The following DMD variants were observed in gnomAD, a reference collection of about 807,000 sequenced individuals.
DMD encodes mutant dystrophin.
Under a neutral mutation model 330.1 loss-of-function variants are expected in DMD, and 63 were observed. The observed-to-expected ratio is 0.19, with a 90% CI of 0.16 to 0.24. The LOEUF (loss-of-function observed/expected upper bound fraction) is 0.24, where lower values mean the gene tolerates loss of function less well. Ranked by LOEUF, DMD falls within the 10% of genes least tolerant of loss-of-function variation. The pLI, the probability that DMD is intolerant of heterozygous loss-of-function variation, is 1.00. For missense variants in DMD, 3,344 were observed against 2,684.1 expected (o/e 1.25, Z -5.43); for synonymous variants, 1,223 against 959.8 (o/e 1.27, Z -5.07).
intron 7 of DMD, among the ~76,000 whole-genome samples, chrX:32,714,591 T>A (rs550674455): frequency 6.2e-4 from 69 of 111,722 alleles, no homozygotes; most frequent in African/African-American, 2.1e-3. Flanking sequence ...ACGATTTTGC[T>A]ATTACGCATA....
At chrX:32,290,551 A>G (rs1329384740) in intron 42 of DMD, among the ~76,000 whole-genome samples, 1 of 112,272 alleles carries the variant, frequency 8.9e-6, no homozygotes, top group East Asian at 2.8e-4. Flanking sequence ...GTTATACGGG[A>G]AGAAAGAAAA....
At chrX:31,172,480 G>T in intron 72 of DMD, 67 bp from the exon 73 acceptor site, 1 of 786,724 alleles carries the variant, frequency 1.3e-6, no homozygotes, top group South Asian at 2.2e-5. Flanking sequence ...AGACCTAATC[G>T]AACATTCCTG....
At chrX:32,448,080 AC>A (rs368550261) in intron 27 of DMD, among the ~76,000 whole-genome samples, 54 of 111,182 alleles carry the variant, frequency 4.9e-4, no homozygotes, top group African/African-American at 1.5e-3. Context: ...TTATGTACAT[AC>A]AAAAATAAGA....
At chrX:32,734,436 C>A (rs1451380759) in intron 7 of DMD, among the ~76,000 whole-genome samples, 40 of 105,503 alleles carry the variant, frequency 3.8e-4, no homozygotes, top group African/African-American at 1.5e-3. Context: ...CATCCTGATA[C>A]GAAAGCCTGG....
intron 44 of DMD, among the ~76,000 whole-genome samples, chrX:32,123,907 A>G (rs1189615451): frequency 1.8e-5 from 2 of 112,294 alleles, no homozygotes; most frequent in African/African-American, 6.5e-5. Flanking sequence ...TGAATTTTTT[A>G]TTTTATTTTC....
At chrX:32,122,340 T>C (rs1242173813) in intron 44 of DMD, among the ~76,000 whole-genome samples, 1 of 111,775 alleles carries the variant, frequency 8.9e-6, no homozygotes, top group Non-Finnish European at 1.9e-5. Context: ...CCTAGCAATC[T>C]GTGGTATAGC....
intron 1 of DMD, among the ~76,000 whole-genome samples, chrX:33,117,982 C>T (rs1417277210): frequency 9.0e-6 from 1 of 111,294 alleles, no homozygotes; most frequent in Non-Finnish European, 1.9e-5. Context: ...CAATTCAGGT[C>T]ATTAGTCATG....
intron 1 of DMD, among the ~76,000 whole-genome samples, chrX:33,286,657 T>G (rs763567966): frequency 8.9e-6 from 1 of 112,162 alleles, no homozygotes; most frequent in South Asian, 3.7e-4. Flanking sequence ...TGTATGTGTG[T>G]ATGTTCTTTA....
At chrX:33,205,974 C>T (rs2051549851) in intron 1 of DMD, among the ~76,000 whole-genome samples, 1 of 111,429 alleles carries the variant, frequency 9.0e-6, no homozygotes, top group Non-Finnish European at 1.9e-5. Flanking sequence ...TTAAAATTAT[C>T]TTAATCCTCT....
intron 21 of DMD, among the ~76,000 whole-genome samples, chrX:32,480,686 G>A (rs746097701): frequency 2.4e-4 from 27 of 110,892 alleles, no homozygotes; most frequent in Non-Finnish European, 4.7e-4. Flanking sequence ...TACACACAGC[G>A]TGTGTATATA....
intron 9 of DMD, among the ~76,000 whole-genome samples, chrX:32,680,088 A>T (rs1602913720): frequency 9.5e-6 from 1 of 105,370 alleles, no homozygotes; most frequent in East Asian, 3.0e-4. Context: ...TGATTTTTGT[A>T]TTTTTACTTG....
At chrX:32,094,275 T>C (rs1415896838) in intron 44 of DMD, among the ~76,000 whole-genome samples, 1 of 112,004 alleles carries the variant, frequency 8.9e-6, no homozygotes, top group Non-Finnish European at 1.9e-5. Context: ...GTTCTTGAAA[T>C]GGCAATAAGA....
chrX:31,884,317 G>A (rs1030689627), intron 47 of DMD, among the ~76,000 whole-genome samples: 2 of 111,647 alleles, frequency 1.8e-5, no homozygotes, highest in African/African-American at 6.5e-5. Context: ...TTCAGCCTTA[G>A]GAAAGAAAGA....
At chrX:32,374,734 T>C (rs2097894532) in intron 34 of DMD, among the ~76,000 whole-genome samples, 1 of 111,600 alleles carries the variant, frequency 9.0e-6, no homozygotes, top group South Asian at 3.7e-4. Context: ...AGTGGGGCAA[T>C]GTAATGCCCT....
Position 32,850,341 on chromosome X carries a change from G to C in DMD, c.94-521C>G, listed in dbSNP as rs139955695. Among the ~76,000 whole-genome samples, 156 of 111,801 alleles carry C rather than the reference G, an allele frequency of 1.4e-3. 1 individual carries two copies. The highest frequency in any genetic ancestry group is 4.8e-3 in the African/African-American group (147 of 30,799). ...ATAACTCAAATTTTAGGAATATCGG[G>C]TTTAATTAGGTTTGAAACAACCCTG... On this transcript the variant is annotated intron_variant, in intron 2 of 78. Coordinates refer to ENST00000357033, the MANE Select transcript of DMD (RefSeq NM_004006.3).
chrX:32,071,563 A>G (rs188970516), intron 44 of DMD, among the ~76,000 whole-genome samples: 7,382 of 105,381 alleles, frequency 0.07, 251 homozygotes, highest in African/African-American at 0.1. Context: ...ATGCTAAATG[A>G]CGAGTTAATG....
In DMD at chrX:32,014,079, A is replaced by T. The variant is rs138609029; in HGVS notation, c.6439-45565T>A. ...ATGAAAAGTTCTGATATTTCAGAAA[A>T]CATTTACATTCTTACATAAGAAGCA... On this transcript the variant is annotated intron_variant, in intron 44 of 78. Transcript: ENST00000357033. Among the ~76,000 whole-genome samples the T allele has an allele frequency of 4.1e-3, 463 of 112,356 alleles. 4 individuals are homozygous for T. The highest frequency in any genetic ancestry group is 0.011 in the African/African-American group (338 of 31,020).
intron 50 of DMD, among the ~76,000 whole-genome samples, chrX:31,798,090 A>G (rs2091909345): frequency 8.9e-6 from 1 of 112,386 alleles, no homozygotes; most frequent in African/African-American, 3.2e-5. Context: ...TCTGACATTC[A>G]AATTGTAAAA....
rs1415990581 is a variant in DMD, at chrX:32,123,957, G to T, written c.6438+92959C>A. On this transcript the variant is annotated intron_variant, in intron 44 of 78. Coordinates refer to ENST00000357033, the MANE Select transcript of DMD (RefSeq NM_004006.3). ...CACATGTGTAATGAATTAAACATCTGTCTTTTGTGAGGTGATACTTAAAAA... is the reference window on the plus strand; with the variant it reads ...CACATGTGTAATGAATTAAACATCTTTCTTTTGTGAGGTGATACTTAAAAA... 3.6e-5 allele frequency among the ~76,000 whole-genome samples: 4 copies of T among 111,721 alleles called. No individual in the cohort carries two copies. The Admixed American group carries it at 3.8e-4, about 11-fold the overall frequency.
Sources: allele counts gnomAD v4.1 joint callset (sites outside exome capture counted in the v4.1 genomes callset), GRCh38; gene constraint gnomAD v4.1.1; transcripts MANE v1.5; gene names NCBI Gene and HGNC (gene_info 2026-07-23, HGNC 2026-07-21).